Variants in TMCO4 observed in about 807,000 individuals in gnomAD.
TMCO4 encodes transmembrane and coiled-coil domain-containing protein 4.
In TMCO4, 58 loss-of-function variants were observed where a neutral mutation model predicts 64.7. The observed-to-expected ratio is 0.90, with a 90% confidence interval of 0.73 to 1.12. TMCO4 has a LOEUF of 1.12. TMCO4 is among the 50% of genes most tolerant of loss of function. The pLI is 0.00. For missense variants in TMCO4, 780 were observed against 825.9 expected, an observed-to-expected ratio of 0.94 and a Z score of 0.68; for synonymous variants, 325 against 346.1, an observed-to-expected ratio of 0.94 and a Z score of 0.68.
intron 13 of TMCO4, among the ~76,000 whole-genome samples, chr1:19,712,533 T>C (rs2095335725): frequency 6.6e-6 from 1 of 150,504 alleles, no homozygotes; most frequent in South Asian, 2.1e-4. Flanking sequence ...GGCAGGAGAA[T>C]CGCTTGAACC....
chr1:19,777,045 A>AAAAAG (rs1557608589), intron 4 of TMCO4, among the ~76,000 whole-genome samples: 3 of 151,534 alleles, frequency 2.0e-5, no homozygotes, highest in African/African-American at 2.4e-5. Context: ...AAAAAAAAAA[A>AAAAAG]AAAAGAAAAG....
chr1:19,742,111 T>A, intron 10 of TMCO4, among the ~76,000 whole-genome samples: 1 of 152,228 alleles, frequency 6.6e-6, no homozygotes, highest in South Asian at 2.1e-4. Flanking sequence ...AGATCGTACA[T>A]CAGTTCCCCT....
chr1:19,757,159 C>G (rs71579820), intron 6 of TMCO4, among the ~76,000 whole-genome samples: 17,384 of 133,660 alleles, frequency 0.13, 1,814 homozygotes, highest in East Asian at 0.3. Context: ...GGCGTGGTGG[C>G]GGGGGGGGGC....
intron 7 of TMCO4, among the ~76,000 whole-genome samples, chr1:19,749,659 T>G (rs2041940296): frequency 6.6e-6 from 1 of 152,114 alleles, no homozygotes; most frequent in African/African-American, 2.4e-5. Flanking sequence ...TGAGCCACCG[T>G]GCCGGGACAA....
rs531166799 is a variant in TMCO4, at chr1:19,753,618, T to A, written c.515+2016A>T. On this transcript the variant is annotated intron_variant, in intron 7 of 15. Transcript: ENST00000294543. ...CTTACAGTCAAGAGAAATTTACGTA[T>A]CATTCAATCCCTTAATTGTATAGGT... is the stretch of plus-strand genomic sequence containing the variant. Among the ~76,000 whole-genome samples the A allele has an allele frequency of 7.9e-5, 12 of 152,242 alleles. No homozygotes were observed. In the East Asian group the frequency reaches 2.3e-3, roughly 29 times the overall value.
At chr1:19,793,545 T>C (rs1405571585) in intron 2 of TMCO4, among the ~76,000 whole-genome samples, 1 of 152,190 alleles carries the variant, frequency 6.6e-6, no homozygotes, top group Admixed American at 6.5e-5. Flanking sequence ...TCTACATCTC[T>C]ATCTGAAGTC....
At chr1:19,684,663 G>A (rs529433819) in intron 15 of TMCO4, among the ~76,000 whole-genome samples, 94 of 152,278 alleles carry the variant, frequency 6.2e-4, no homozygotes, top group Middle Eastern at 3.4e-3. Context: ...TCACTCTGCC[G>A]TTTATTCTTT....
At chr1:19,756,749 T>A (rs540718743) in intron 6 of TMCO4, among the ~76,000 whole-genome samples, 140 of 152,196 alleles carry the variant, frequency 9.2e-4, no homozygotes, top group African/African-American at 3.2e-3. Context: ...CCCAGCTACT[T>A]TGGAAGCTGA....
chr1:19,780,701 G>A lies in TMCO4; in HGVS notation c.58C>T (p.Pro20Ser). 6.2e-7 allele frequency: 1 copy of A among 1,613,174 alleles called. No homozygotes were observed. Among genetic ancestry groups the A allele is most frequent in the Non-Finnish European group, 8.5e-7 (1 of 1,179,808 alleles). Residue 20 changes from proline (P) to serine (S), a missense_variant, in exon 4 of 16, where the codon CCC (proline) becomes TCC (serine). Physicochemically the swap from Pro to Ser is moderately conservative, Grantham distance 74 (BLOSUM62 -1). Coordinates refer to ENST00000294543, the MANE Select transcript of TMCO4 (RefSeq NM_181719.7). ...AGGTGTGGCTCCCCCTCTGCAGTGG[G>A]CTCAGCTACCAGAGGCTGCTGAGGC... Reference protein sequence around the residue: ...RLPQQPLVAEPTAEGEPHLPT... With the variant: ...RLPQQPLVAESTAEGEPHLPT...
chr1:19,683,552 C>A (rs1271804586), intron 15 of TMCO4, 108 bp from the exon 16 acceptor site: 2 of 1,279,382 alleles, frequency 1.6e-6, no homozygotes, highest in Non-Finnish European at 2.1e-6. Flanking sequence ...GCATCCACAG[C>A]CAACGAATCA....
chr1:19,760,544 G>A (rs932260755), intron 6 of TMCO4, among the ~76,000 whole-genome samples: 1 of 152,168 alleles, frequency 6.6e-6, no homozygotes, highest in Non-Finnish European at 1.5e-5. Context: ...AGCCTCCTGA[G>A]CAGTTGGGAC....
At chr1:19,774,690 A>G (rs886122606) in intron 4 of TMCO4, among the ~76,000 whole-genome samples, 11 of 152,224 alleles carry the variant, frequency 7.2e-5, no homozygotes, top group African/African-American at 2.7e-4. Flanking sequence ...AACAGCAACA[A>G]TGACAGCAGA....
intron 6 of TMCO4, among the ~76,000 whole-genome samples, chr1:19,761,626 T>G (rs1271815704): frequency 6.6e-6 from 1 of 152,240 alleles, no homozygotes; most frequent in East Asian, 1.9e-4. Flanking sequence ...AGCGGGACAG[T>G]GGTTCTTAGA....
At chr1:19,689,090 G>A (rs2095171840) in intron 15 of TMCO4, among the ~76,000 whole-genome samples, 8 of 152,164 alleles carry the variant, frequency 5.3e-5, no homozygotes, top group Admixed American at 5.2e-4. Flanking sequence ...TGCGTGGTTG[G>A]CCCAGCAGGG....
chr1:19,694,358 C>A, intron 15 of TMCO4, 76 bp downstream of exon 15: 1 of 1,339,680 alleles, frequency 7.5e-7, no homozygotes, highest in South Asian at 1.3e-5. Context: ...GGGCCACTGT[C>A]TCCAGGGGAC....
intron 6 of TMCO4, among the ~76,000 whole-genome samples, chr1:19,759,744 C>T (rs2042416628): frequency 1.3e-5 from 2 of 152,186 alleles, no homozygotes; most frequent in East Asian, 1.9e-4. Flanking sequence ...ACAGCTCAGC[C>T]CCCAGTCACC....
chr1:19,754,993 C>T (rs1488186805), intron 7 of TMCO4, among the ~76,000 whole-genome samples: 3 of 152,114 alleles, frequency 2.0e-5, no homozygotes, highest in Non-Finnish European at 2.9e-5. Flanking sequence ...GTATCAGAAA[C>T]GGGAATTGAA....
intron 4 of TMCO4, among the ~76,000 whole-genome samples, chr1:19,775,670 T>G (rs993167078): frequency 1.3e-5 from 2 of 152,212 alleles, no homozygotes; most frequent in Non-Finnish European, 2.9e-5. Flanking sequence ...CTAAAATAAC[T>G]GGCCCTTGGC....
At position 19,747,144 on chromosome 1, in the gene TMCO4, C is replaced by CG; in HGVS notation, c.613+18_613+19insC. Reference sequence around the variant, plus strand: ...TCTACAAAACCCAGACGTGTGCCACCATCTCTAGCTGGACTCACCGATCAC... The same window carrying CG: ...TCTACAAAACCCAGACGTGTGCCACCGATCTCTAGCTGGACTCACCGATCAC... On this transcript the variant is annotated intron_variant, in intron 8 of 15. Transcript: ENST00000294543. The CG allele has an allele frequency of 6.2e-7, 1 of 1,612,450 alleles. No homozygotes were observed. The highest frequency in any genetic ancestry group is 8.5e-7 in the Non-Finnish European group (1 of 1,178,642).
Sources: gnomAD v4.1 joint callset for allele counts (sites outside exome capture counted in the v4.1 genomes callset) on GRCh38, gnomAD v4.1.1 for gene constraint, MANE v1.5 for transcripts, NCBI Gene and HGNC (gene_info 2026-07-23, HGNC 2026-07-21) for gene names.